The following FMNL2 variants were observed in gnomAD, a reference collection of about 807,000 sequenced individuals.
The protein encoded by FMNL2 is formin-like protein 2.
A neutral mutation model predicts 130.2 loss-of-function variants in FMNL2; 51 were observed. The observed-to-expected ratio is 0.39, with a 90% CI of 0.31 to 0.49. The LOEUF (loss-of-function observed/expected upper bound fraction) is 0.49. FMNL2 is among the 20% of genes least tolerant of loss of function. The pLI is 0.85. For synonymous variants in FMNL2, 465 were observed against 467.1 expected (o/e 1.00, Z 0.06); for missense variants, 977 against 1,316.2 (o/e 0.74, Z 3.99).
At chr2:152,603,311 C>T (rs1698188648) in intron 9 of FMNL2, among the ~76,000 whole-genome samples, 1 of 151,634 alleles carries the variant, frequency 6.6e-6, no homozygotes, top group African/African-American at 2.4e-5. Flanking sequence ...TTCCCAAAGC[C>T]GGCATTTGTA....
At chr2:152,347,549 A>G (rs1048212851) in intron 1 of FMNL2, among the ~76,000 whole-genome samples, 1 of 152,218 alleles carries the variant, frequency 6.6e-6, no homozygotes, top group Non-Finnish European at 1.5e-5. Context: ...AGGGATGGCC[A>G]CAGAGAAAAT....
chr2:152,646,832 A>C (rs79578043), intron 25 of FMNL2, among the ~76,000 whole-genome samples: 2,508 of 152,328 alleles, frequency 0.016, 82 homozygotes, highest in African/African-American at 0.058. Flanking sequence ...TTTTTTCACT[A>C]TGCCCTGACT....
intron 1 of FMNL2, among the ~76,000 whole-genome samples, chr2:152,413,280 T>G (rs532380292): frequency 6.6e-6 from 1 of 152,282 alleles, no homozygotes; most frequent in South Asian, 2.1e-4. Flanking sequence ...CTACATTGTA[T>G]TGTCCTTGAG....
chr2:152,360,868 T>C (rs1683126677), intron 1 of FMNL2, among the ~76,000 whole-genome samples: 1 of 152,242 alleles, frequency 6.6e-6, no homozygotes, highest in Non-Finnish European at 1.5e-5. Flanking sequence ...AGATATAATT[T>C]AAACTCTTTG....
chr2:152,339,203 T>A (rs1681658739), intron 1 of FMNL2, among the ~76,000 whole-genome samples: 1 of 152,148 alleles, frequency 6.6e-6, no homozygotes, highest in Admixed American at 6.5e-5. Flanking sequence ...GATTTTTTTT[T>A]AAGCTCATCG....
At chr2:152,494,659 C>T (rs760071336) in intron 1 of FMNL2, among the ~76,000 whole-genome samples, 22 of 152,242 alleles carry the variant, frequency 1.4e-4, no homozygotes, top group Non-Finnish European at 2.4e-4. Flanking sequence ...TAAAAATCAT[C>T]GTGGTGAATT....
chr2:152,575,149 C>T lies in FMNL2; in HGVS notation c.610C>T (p.Pro204Ser), dbSNP rs769226788. Residue 204 changes from proline to serine, a missense_variant, in exon 7 of 26, where the codon CCA (proline) becomes TCA (serine). By Grantham distance (74) the Pro-to-Ser change is moderately conservative (BLOSUM62 -1). Transcript: ENST00000288670. ...TTTTGTTTGTAGATATAATACATTG[C>T]CAAGCAGAAGAACTCTGAAAAATTC... ...RHSALRYNTL[P>S]SRRTLKNSRL... 35 of 1,598,558 alleles carry T rather than the reference C, an allele frequency of 2.2e-5. No individual in the cohort carries two copies. In the Middle Eastern group the frequency reaches 1.0e-3, roughly 46 times the overall value.
At chr2:152,548,732 G>C (rs1694782069) in intron 3 of FMNL2, among the ~76,000 whole-genome samples, 1 of 152,138 alleles carries the variant, frequency 6.6e-6, no homozygotes, top group South Asian at 2.1e-4. Flanking sequence ...GTAGTACTGG[G>C]GTCCCTGACC....
chr2:152,380,131 T>C (rs544420647), intron 1 of FMNL2, among the ~76,000 whole-genome samples: 1 of 152,346 alleles, frequency 6.6e-6, no homozygotes, highest in Non-Finnish European at 1.5e-5. Context: ...TTTGTGGCCA[T>C]CTCATCCTGG....
Position 152,636,572 on chromosome 2 carries a change from T to C in FMNL2, c.2826T>C (p.Asp942=), listed in dbSNP as rs1390800001. The C allele has an allele frequency of 6.4e-7, 1 of 1,565,926 alleles. No individual in the cohort carries two copies. Among genetic ancestry groups the C allele is most frequent in the Admixed American group, 1.9e-5 (1 of 52,216 alleles). The change falls in exon 22 of 26, where the codon GAT becomes GAC. Residue 942 remains aspartate (D), a synonymous_variant. Coordinates refer to ENST00000288670, the MANE Select transcript of FMNL2 (RefSeq NM_052905.4). ...AGGGGAAGCTGAAGAAGCTGCAGGA[T>C]GATGCCAAGATCGCACAGGCAAGTA... The part of the protein sequence containing the change: ...NNEGKLKKLQ[D]DAKIAQDAFD...
At position 152,413,107 on chromosome 2, in the gene FMNL2, T is replaced by A. The variant is rs545038232; in HGVS notation, c.117+77387T>A. 6.6e-5 allele frequency among the ~76,000 whole-genome samples: 10 copies of A among 152,224 alleles called. No individual in the cohort carries two copies. The East Asian group carries it at 1.9e-3, about 29-fold the overall frequency. On this transcript the variant is annotated intron_variant, in intron 1 of 25. Transcript: ENST00000288670. ...TAACAGATATAAAACATAAAAGATA[T>A]CATTGGCAAGTCAAGGTGACAGTTT...
chr2:152,616,705 T>C (rs1308314175), intron 12 of FMNL2, among the ~76,000 whole-genome samples: 1 of 152,200 alleles, frequency 6.6e-6, no homozygotes, highest in East Asian at 1.9e-4. Flanking sequence ...CCAAGTTTAC[T>C]GTGTTACCAA....
chr2:152,473,652 A>G (rs572294776), intron 1 of FMNL2, among the ~76,000 whole-genome samples: 1 of 152,244 alleles, frequency 6.6e-6, no homozygotes, highest in South Asian at 2.1e-4. Flanking sequence ...CCAAGATTTC[A>G]TATTGATTCA....
chr2:152,537,717 T>G (rs1694071327), intron 2 of FMNL2, among the ~76,000 whole-genome samples: 1 of 152,232 alleles, frequency 6.6e-6, no homozygotes, highest in Non-Finnish European at 1.5e-5. Flanking sequence ...TTTTACATAC[T>G]GGGACTCAAT....
chr2:152,345,750 A>G (rs1682083133), intron 1 of FMNL2, among the ~76,000 whole-genome samples: 1 of 152,192 alleles, frequency 6.6e-6, no homozygotes. Flanking sequence ...CCTTACCATA[A>G]AGTCACTCTA....
At chr2:152,559,233 G>C (rs1451273012) in intron 5 of FMNL2, among the ~76,000 whole-genome samples, 3 of 152,206 alleles carry the variant, frequency 2.0e-5, no homozygotes, top group Non-Finnish European at 4.4e-5. Context: ...CATAGAAAAT[G>C]ATTGCAGAAA....
chr2:152,493,535 G>A (rs994672941), intron 1 of FMNL2, among the ~76,000 whole-genome samples: 3 of 152,218 alleles, frequency 2.0e-5, no homozygotes, highest in African/African-American at 7.2e-5. Flanking sequence ...TGATTTGGGT[G>A]ATGGGGGTGG....
At chr2:152,609,280 T>A (rs1698557447) in intron 10 of FMNL2, among the ~76,000 whole-genome samples, 2 of 152,242 alleles carry the variant, frequency 1.3e-5, no homozygotes, top group Non-Finnish European at 2.9e-5. Flanking sequence ...GATAGTTGCC[T>A]CTTAGGCATA....
At chr2:152,369,369 A>G (rs1359818759) in intron 1 of FMNL2, among the ~76,000 whole-genome samples, 1 of 152,240 alleles carries the variant, frequency 6.6e-6, no homozygotes, top group East Asian at 1.9e-4. Context: ...GATTAGTCAC[A>G]TGGCTGATTG....
Sources: gnomAD v4.1 joint callset for allele counts (sites outside exome capture counted in the v4.1 genomes callset) on GRCh38, gnomAD v4.1.1 for gene constraint, MANE v1.5 for transcripts, NCBI Gene and HGNC (gene_info 2026-07-23, HGNC 2026-07-21) for gene names.